REDIC1: variants seen among roughly 807,000 people sequenced by gnomAD.
REDIC1 encodes the protein HEI10 Interacting Protein 1.
At chr12:39,713,395 CACATACGT>C in the REDIC1 span, among the ~76,000 whole-genome samples, 1 of 9,280 alleles carries the variant, frequency 1.1e-4, no homozygotes, top group Non-Finnish European at 6.0e-4. Flanking sequence ...TGTGTGTAGA[CACATACGT>C]ATGTATACAC....
the REDIC1 span, among the ~76,000 whole-genome samples, chr12:39,769,155 C>T: frequency 1.3e-5 from 2 of 152,166 alleles, no homozygotes; most frequent in East Asian, 3.9e-4. Flanking sequence ...TTATTTTATC[C>T]TTTATTGTCT....
the REDIC1 span, among the ~76,000 whole-genome samples, chr12:39,859,495 C>T: frequency 6.6e-6 from 1 of 151,958 alleles, no homozygotes; most frequent in South Asian, 2.1e-4. Context: ...GCAGATGACC[C>T]TGGTTAAGAC....
the REDIC1 span, among the ~76,000 whole-genome samples, chr12:39,726,290 T>C: frequency 6.6e-5 from 10 of 152,104 alleles, no homozygotes; most frequent in Non-Finnish European, 2.9e-5. Context: ...TAGGTATTTC[T>C]CCTAATGCTA....
chr12:39,659,701 C>G, the REDIC1 span, among the ~76,000 whole-genome samples: 1 of 151,744 alleles, frequency 6.6e-6, no homozygotes, highest in Admixed American at 6.6e-5. Context: ...TTTTAATGTA[C>G]TTGTCTACGA....
the REDIC1 span, among the ~76,000 whole-genome samples, chr12:39,733,820 G>A: frequency 1.1e-4 from 16 of 152,344 alleles, 1 homozygote; most frequent in Non-Finnish European, 1.8e-4. Flanking sequence ...TCAAGCCAGC[G>A]GATCTTATCT....
At chr12:39,657,525 G>A in the REDIC1 span, among the ~76,000 whole-genome samples, 5 of 152,182 alleles carry the variant, frequency 3.3e-5, no homozygotes, top group African/African-American at 9.6e-5. Flanking sequence ...TCTTTTGTGG[G>A]AAGTATTTTT....
At chr12:39,799,168 C>T in the REDIC1 span, among the ~76,000 whole-genome samples, 3 of 150,536 alleles carry the variant, frequency 2.0e-5, no homozygotes, top group Admixed American at 6.6e-5. Context: ...CTGCAACCTC[C>T]GCCTCCCAGG....
chr12:39,828,185 G>A, the REDIC1 span, among the ~76,000 whole-genome samples: 12 of 152,138 alleles, frequency 7.9e-5, no homozygotes, highest in African/African-American at 2.7e-4. Flanking sequence ...CAAGACTAAG[G>A]AGGTAACCAA....
the REDIC1 span, among the ~76,000 whole-genome samples, chr12:39,735,647 C>T: frequency 6.6e-6 from 1 of 152,178 alleles, no homozygotes; most frequent in African/African-American, 2.4e-5. Context: ...ATTTAGGGCA[C>T]TGTCAGGAAA....
At chr12:39,815,015 T>C in the REDIC1 span, among the ~76,000 whole-genome samples, 1 of 152,136 alleles carries the variant, frequency 6.6e-6, no homozygotes. Flanking sequence ...TGATCTTAGA[T>C]GGTAAGCAAG....
chr12:39,712,093 C>CATATATACCTGTATATATACCTGT, the REDIC1 span, among the ~76,000 whole-genome samples: 2 of 95,112 alleles, frequency 2.1e-5, no homozygotes, highest in East Asian at 3.2e-4. Context: ...TATATACATA[C>CATATATACCTGTATATATACCTGT]ATATATACCT....
chr12:39,818,390 G>A, the REDIC1 span, among the ~76,000 whole-genome samples: 4 of 152,114 alleles, frequency 2.6e-5, no homozygotes. Context: ...TTGCAAAAAT[G>A]TCCACTGCTA....
At chr12:39,869,351 G>A in the REDIC1 span, among the ~76,000 whole-genome samples, 3 of 152,188 alleles carry the variant, frequency 2.0e-5, no homozygotes, top group Non-Finnish European at 4.4e-5. Flanking sequence ...AGAACCACAT[G>A]AATGGCACCA....
At chr12:39,847,496 G>A in the REDIC1 span, among the ~76,000 whole-genome samples, 1 of 152,144 alleles carries the variant, frequency 6.6e-6, no homozygotes, top group South Asian at 2.1e-4. Context: ...CAGCTGGGAA[G>A]AGCTGCTCTT....
the REDIC1 span, among the ~76,000 whole-genome samples, chr12:39,706,786 G>T: frequency 6.6e-6 from 1 of 151,942 alleles, no homozygotes; most frequent in East Asian, 1.9e-4. Context: ...ATGCTGCAGC[G>T]AAAACTGGTA....
the REDIC1 span, among the ~76,000 whole-genome samples, chr12:39,808,834 A>C: frequency 6.6e-6 from 1 of 152,088 alleles, no homozygotes; most frequent in South Asian, 2.1e-4. Flanking sequence ...AGATATACTT[A>C]TTGTAAATAA....
chr12:39,714,638 A>G, the REDIC1 span, among the ~76,000 whole-genome samples: 468 of 151,916 alleles, frequency 3.1e-3, 4 homozygotes, highest in Non-Finnish European at 4.5e-3. Flanking sequence ...AGTAATTTCT[A>G]TGCTGTTTTC....
the REDIC1 span, among the ~76,000 whole-genome samples, chr12:39,743,689 A>C: frequency 1.3e-5 from 2 of 152,208 alleles, no homozygotes; most frequent in South Asian, 4.1e-4. Flanking sequence ...AGAAATGAAG[A>C]ATGCCTTTGA....
chr12:39,732,201 CT>C, the REDIC1 span, among the ~76,000 whole-genome samples: 2 of 152,158 alleles, frequency 1.3e-5, no homozygotes, highest in African/African-American at 4.8e-5. Context: ...CCCTCCATCT[CT>C]TTCTTCTTCT....
Sources: gnomAD v4.1 joint callset for allele counts (sites outside exome capture counted in the v4.1 genomes callset) on GRCh38, gnomAD v4.1.1 for gene constraint, MANE v1.5 for transcripts, NCBI Gene and HGNC (gene_info 2026-07-23, HGNC 2026-07-21) for gene names.